Variants in NEDD4L observed in about 807,000 individuals in gnomAD.
The protein encoded by NEDD4L is E3 ubiquitin-protein ligase NEDD4-like.
A neutral mutation model predicts 148.9 loss-of-function variants in NEDD4L; 54 were observed. The observed-to-expected ratio is 0.36, with a 90% CI of 0.29 to 0.45. The LOEUF (loss-of-function observed/expected upper bound fraction) is 0.45, where lower values mean the gene tolerates loss of function less well. Ranked by LOEUF, NEDD4L falls within the 20% of genes least tolerant of loss-of-function variation. The pLI is 1.00. For missense variants in NEDD4L, 856 were observed against 1,233.8 expected (o/e 0.69, Z 4.59); for synonymous variants, 433 against 440.7 (o/e 0.98, Z 0.22).
intron 2 of NEDD4L, among the ~76,000 whole-genome samples, chr18:58,235,630 G>A (rs1186111176): frequency 2.0e-5 from 3 of 152,058 alleles, no homozygotes; most frequent in Admixed American, 1.3e-4. Flanking sequence ...TTGACATCAC[G>A]TTCATAGTTC....
intron 1 of NEDD4L, among the ~76,000 whole-genome samples, chr18:58,074,613 G>A (rs992076141): frequency 6.6e-6 from 1 of 151,724 alleles, no homozygotes; most frequent in Non-Finnish European, 1.5e-5. Flanking sequence ...GAAGAACAAG[G>A]CCATAGAGAT....
chr18:58,282,118 A>G (rs188373288), intron 5 of NEDD4L, among the ~76,000 whole-genome samples: 28 of 150,764 alleles, frequency 1.9e-4, no homozygotes, highest in Admixed American at 1.5e-3. Flanking sequence ...TTATACAGCT[A>G]TTTTTAAAAG....
chr18:58,341,463 C>G (rs1259284872), intron 14 of NEDD4L, among the ~76,000 whole-genome samples: 3 of 152,194 alleles, frequency 2.0e-5, no homozygotes, highest in African/African-American at 7.2e-5. Context: ...TAATCCGAGG[C>G]TAGTTTTTAT....
chr18:58,309,431 C>T (rs1441365654), intron 5 of NEDD4L, among the ~76,000 whole-genome samples: 1 of 152,304 alleles, frequency 6.6e-6, no homozygotes, highest in East Asian at 1.9e-4. Flanking sequence ...CGTGGCAGAA[C>T]TCTGTTGTCC....
chr18:58,113,399 T>C (rs2085537439), intron 1 of NEDD4L, among the ~76,000 whole-genome samples: 1 of 152,250 alleles, frequency 6.6e-6, no homozygotes, highest in Admixed American at 6.5e-5. Context: ...GAAAGGGATT[T>C]CCAAGAGAGA....
At chr18:58,282,816 G>A (rs138577942) in intron 5 of NEDD4L, among the ~76,000 whole-genome samples, 21 of 152,252 alleles carry the variant, frequency 1.4e-4, no homozygotes, top group Non-Finnish European at 1.9e-4. Context: ...GGAAATTCCC[G>A]TCTGTATCAG....
At position 58,349,605 on chromosome 18, in the gene NEDD4L, C is replaced by T. The variant is rs371868483; in HGVS notation, c.1644C>T (p.Gly548=). 2.9e-5 allele frequency: 46 copies of T among 1,613,396 alleles called. No homozygotes were observed. The African/African-American group carries it at 6.0e-4, about 21-fold the overall frequency. The change falls in exon 17 of 31, where the codon GGC becomes GGT. Residue 548 remains glycine, a synonymous_variant. Transcript: ENST00000400345. ...SKTSLNPNDL[G]PLPPGWEERI... is the part of the protein sequence containing the mutation. Reference sequence around the variant, plus strand: ...CATCTTTAAACCCCAATGACCTTGGCCCCCTTCCTGTGAGTACACTGGAGA... The same window carrying T: ...CATCTTTAAACCCCAATGACCTTGGTCCCCTTCCTGTGAGTACACTGGAGA...
intron 2 of NEDD4L, chr18:58,221,559 G>T (rs775836011): frequency 5.1e-6 from 5 of 985,376 alleles, no homozygotes; most frequent in Non-Finnish European, 6.0e-6. Context: ...CGAGCTGGGC[G>T]CATTCCTTCT....
rs375921587 is a variant in NEDD4L at position 58,329,018 on chromosome 18, A to G, written c.704A>G (p.Asn235Ser). The change falls in exon 10 of 31, where the codon AAT (asparagine) becomes AGT (serine). Residue 235 changes from asparagine (N) to serine (S), a missense_variant. Transcript: ENST00000400345. ...SLMDVSSESDNNIRQINQEAA... is the reference protein window; with the variant it reads ...SLMDVSSESDSNIRQINQEAA... ...AGGGACGTGTCCTCGGAGTCGGACA[A>G]TAACATCAGACAGATCAACCAGGAG... 7 of 1,613,872 alleles carry G rather than the reference A, an allele frequency of 4.3e-6. No homozygotes were observed. The highest frequency in any genetic ancestry group is 2.2e-5 in the East Asian group (1 of 44,890).
chr18:58,047,483 C>T lies in NEDD4L; in HGVS notation c.48+2775C>T. The T allele has an allele frequency of 5.1e-6, 5 of 985,430 alleles. No individual in the cohort carries two copies. In the South Asian group the frequency reaches 1.4e-4, roughly 28 times the overall value. 61.0% of individuals were successfully genotyped at this position (985,430 alleles called of 1,614,324 possible). A position where few individuals can be genotyped will look rare whatever the true frequency, so the allele number is the denominator to read the frequency against. ...GCTTAGGTGCTGTTCCTTGCGTCAT[C>T]AGCAGAGGTCTGTCCACTTTGTAGA... is the stretch of plus-strand genomic sequence containing the variant. On this transcript the variant is annotated intron_variant, in intron 1 of 30. Coordinates refer to ENST00000400345, the MANE Select transcript of NEDD4L (RefSeq NM_001144967.3).
At chr18:58,380,801 C>T (rs749981508) in intron 24 of NEDD4L, among the ~76,000 whole-genome samples, 14 of 152,152 alleles carry the variant, frequency 9.2e-5, no homozygotes, top group Non-Finnish European at 4.4e-5. Flanking sequence ...TTAACTCCCA[C>T]TTATGAGTGA....
intron 1 of NEDD4L, among the ~76,000 whole-genome samples, chr18:58,113,445 C>G (rs1322811030): frequency 6.6e-6 from 1 of 152,142 alleles, no homozygotes; most frequent in African/African-American, 2.4e-5. Context: ...TTGACTTTCT[C>G]TTTGGTGGGG....
intron 13 of NEDD4L, among the ~76,000 whole-genome samples, chr18:58,336,569 T>C (rs2041804813): frequency 6.6e-6 from 1 of 151,328 alleles, no homozygotes; most frequent in Non-Finnish European, 1.5e-5. Flanking sequence ...AGAGCGAGAC[T>C]CCATCTCAAA....
At chr18:58,314,097 C>G (rs1381818341) in intron 5 of NEDD4L, among the ~76,000 whole-genome samples, 1 of 152,092 alleles carries the variant, frequency 6.6e-6, no homozygotes, top group East Asian at 1.9e-4. Context: ...GTACAGTTAA[C>G]TGATATTTAT....
At chr18:58,228,363 G>A (rs952264727) in intron 2 of NEDD4L, among the ~76,000 whole-genome samples, 3 of 152,234 alleles carry the variant, frequency 2.0e-5, no homozygotes, top group African/African-American at 7.2e-5. Flanking sequence ...TGCCAGGTGG[G>A]GGGCAGGACA....
chr18:58,318,738 A>T (rs2058512413), intron 6 of NEDD4L, among the ~76,000 whole-genome samples: 2 of 152,254 alleles, frequency 1.3e-5, no homozygotes, highest in African/African-American at 4.8e-5. Context: ...GATCTGTATT[A>T]ACAGAGTGAG....
chr18:58,226,311 T>C (rs1168780527), intron 2 of NEDD4L, among the ~76,000 whole-genome samples: 2 of 152,226 alleles, frequency 1.3e-5, no homozygotes, highest in Admixed American at 6.5e-5. Flanking sequence ...GGCTGCACCA[T>C]TGAAGGCAAA....
chr18:58,112,356 T>C (rs1188797879), intron 1 of NEDD4L, among the ~76,000 whole-genome samples: 1 of 141,692 alleles, frequency 7.1e-6, no homozygotes, highest in Non-Finnish European at 1.5e-5. Flanking sequence ...TGGTTCCTAT[T>C]TGTCTTTATT....
At chr18:58,093,394 A>G (rs1333195747) in intron 1 of NEDD4L, among the ~76,000 whole-genome samples, 3 of 152,222 alleles carry the variant, frequency 2.0e-5, no homozygotes, top group African/African-American at 7.2e-5. Context: ...CTCTCAAGCT[A>G]TCATGGTTGG....
Sources: gnomAD v4.1 joint callset for allele counts (sites outside exome capture counted in the v4.1 genomes callset) on GRCh38, gnomAD v4.1.1 for gene constraint, MANE v1.5 for transcripts, NCBI Gene and HGNC (gene_info 2026-07-23, HGNC 2026-07-21) for gene names.